EFCAB8: variants seen among roughly 807,000 people sequenced by gnomAD.
EFCAB8 encodes EF-hand calcium binding domain 8, also known as EF-hand calcium-binding domain-containing protein 8.
Under a neutral mutation model 116.3 loss-of-function variants are expected in EFCAB8, and 100 were observed. The ratio of observed to expected loss-of-function variants is 0.86; its 90% CI spans 0.73 to 1.02. EFCAB8 has a LOEUF of 1.02. Ranked by LOEUF, EFCAB8 falls within the 50% of genes least tolerant of loss-of-function variation. The pLI is 0.00. For synonymous variants in EFCAB8, 558 were observed against 567.9 expected, an observed-to-expected ratio of 0.98 and a Z score of 0.25; for missense variants, 1,320 against 1,416.9, an observed-to-expected ratio of 0.93 and a Z score of 1.10.
intron 22 of EFCAB8, among the ~76,000 whole-genome samples, chr20:32,936,603 C>G (rs1988128327): frequency 2.6e-5 from 4 of 152,110 alleles, no homozygotes; most frequent in Admixed American, 2.6e-4. Flanking sequence ...ACACCTTTGT[C>G]AAAAATCAAT....
At chr20:32,916,279 A>G (rs1987180909) in intron 17 of EFCAB8, among the ~76,000 whole-genome samples, 2 of 152,060 alleles carry the variant, frequency 1.3e-5, no homozygotes, top group African/African-American at 4.8e-5. Context: ...TTTTTAAGAG[A>G]CAGGATCTTG....
At position 32,961,151 on chromosome 20, in the gene EFCAB8, T is replaced by C. The variant is rs1313723763; in HGVS notation, c.3409T>C (p.Tyr1137His). The change falls in exon 27 of 27, where the codon TAC becomes CAC. Residue 1137 changes from tyrosine (Y) to histidine (H), a missense_variant. Physicochemically the swap from Tyr to His is moderately conservative, Grantham distance 83. Transcript: ENST00000400522. ...WMKHQISPQV[Y>H]QSLHFSDLMP... Reference sequence around the variant, plus strand: ...TTCCCTGCAGATCTCGCCTCAGGTCTACCAAAGCCTGCACTTCAGTGATCT... The same window carrying C: ...TTCCCTGCAGATCTCGCCTCAGGTCCACCAAAGCCTGCACTTCAGTGATCT... 4.5e-6 allele frequency: 7 copies of C among 1,552,134 alleles called. No homozygotes were observed. The highest frequency in any genetic ancestry group is 6.1e-6 in the Non-Finnish European group (7 of 1,147,100).
intron 11 of EFCAB8, among the ~76,000 whole-genome samples, chr20:32,900,844 A>G (rs1437019964): frequency 6.6e-6 from 1 of 152,172 alleles, no homozygotes; most frequent in East Asian, 1.9e-4. Flanking sequence ...CTGGGATTAC[A>G]GGCGTGAGCC....
intron 10 of EFCAB8, among the ~76,000 whole-genome samples, chr20:32,897,208 C>T (rs1020314644): frequency 1.2e-4 from 19 of 152,146 alleles, no homozygotes; most frequent in African/African-American, 4.3e-4. Flanking sequence ...CATCCCTTCA[C>T]CCGCAGTGTT....
intron 19 of EFCAB8, 38 bp downstream of exon 19, chr20:32,918,612 C>G (rs1987309987): frequency 6.5e-7 from 1 of 1,539,376 alleles, no homozygotes; most frequent in Non-Finnish European, 8.8e-7. Context: ...TACCCTCACT[C>G]TCTAGCCGCC....
At chr20:32,867,985 T>C (rs1425707609) in intron 3 of EFCAB8, among the ~76,000 whole-genome samples, 1 of 151,976 alleles carries the variant, frequency 6.6e-6, no homozygotes, top group Non-Finnish European at 1.5e-5. Context: ...TACATGCACA[T>C]ACCACCACTC....
At chr20:32,919,882 A>G (rs973215659) in intron 19 of EFCAB8, among the ~76,000 whole-genome samples, 196 bp from the exon 20 acceptor site, 1 of 152,048 alleles carries the variant, frequency 6.6e-6, no homozygotes, top group African/African-American at 2.4e-5. Flanking sequence ...CTCTGCCCCA[A>G]TTTTGCTCTA....
At chr20:32,902,928 C>T (rs890675987) in intron 11 of EFCAB8, among the ~76,000 whole-genome samples, 1 of 152,212 alleles carries the variant, frequency 6.6e-6, no homozygotes, top group Non-Finnish European at 1.5e-5. Context: ...CCCCCGGCGT[C>T]TCCCCGACTG....
intron 6 of EFCAB8, among the ~76,000 whole-genome samples, chr20:32,886,227 G>A (rs548343024): frequency 4.0e-4 from 61 of 152,294 alleles, no homozygotes; most frequent in African/African-American, 1.4e-3. Flanking sequence ...GTCCTTTTGG[G>A]AACACATGAT....
chr20:32,959,673 T>C (rs1989078553), intron 24 of EFCAB8, 105 bp from the exon 25 acceptor site: 5 of 813,480 alleles, frequency 6.1e-6, no homozygotes, highest in Non-Finnish European at 9.6e-6. Flanking sequence ...GGATGGAAGA[T>C]TGGAAAGGAT....
At chr20:32,937,569 A>G (rs904087523) in intron 22 of EFCAB8, among the ~76,000 whole-genome samples, 2 of 152,220 alleles carry the variant, frequency 1.3e-5, no homozygotes, top group African/African-American at 4.8e-5. Flanking sequence ...CACAAAGAGA[A>G]GTACACATTC....
intron 17 of EFCAB8, among the ~76,000 whole-genome samples, chr20:32,914,705 C>T (rs1047649240): frequency 1.3e-5 from 2 of 152,080 alleles, no homozygotes; most frequent in African/African-American, 2.4e-5. Flanking sequence ...CTCACTATCA[C>T]GAGAACAGCA....
Position 32,939,277 on chromosome 20 carries a change from C to CA in EFCAB8, c.2791-4359_2791-4358insA, listed in dbSNP as rs1555869306. On this transcript the variant is annotated intron_variant, in intron 22 of 26. Coordinates refer to ENST00000400522, the MANE Select transcript of EFCAB8 (RefSeq NM_001143967.2). ...CTTCCATATTCTCTCTCTCTCTCTC[C>CA]TTTTTTTTTTTGTTTTTTGTTTTTT... Among the ~76,000 whole-genome samples, 9 of 106,030 alleles carry CA rather than the reference C, an allele frequency of 8.5e-5. 1 individual carries two copies. Among genetic ancestry groups the CA allele is most frequent in the Non-Finnish European group, 1.8e-4 (9 of 50,930 alleles). 69.6% of individuals were successfully genotyped at this position (106,030 alleles called of 152,430 possible).
chr20:32,860,630 C>T (rs2146155670), intron 1 of EFCAB8, among the ~76,000 whole-genome samples: 1 of 151,320 alleles, frequency 6.6e-6, no homozygotes, highest in East Asian at 2.0e-4. Context: ...CCTCAGTCTC[C>T]CGAGTAGCTG....
chr20:32,877,557 T>C lies in EFCAB8; in HGVS notation c.328-1147T>C, dbSNP rs911988427. ...ATAATAAACATTTCCTTTAGAACAA[T>C]GAGGCCAACTGAAAGAAAAAGAATA... On this transcript the variant is annotated intron_variant, in intron 4 of 26. Coordinates refer to ENST00000400522, the MANE Select transcript of EFCAB8 (RefSeq NM_001143967.2). Among the ~76,000 whole-genome samples the C allele has an allele frequency of 2.6e-5, 4 of 152,338 alleles. No homozygotes were observed. The East Asian group carries it at 7.7e-4, about 29-fold the overall frequency.
At chr20:32,874,380 A>T (rs1984843508) in intron 3 of EFCAB8, among the ~76,000 whole-genome samples, 1 of 151,374 alleles carries the variant, frequency 6.6e-6, no homozygotes, top group African/African-American at 2.4e-5. Context: ...ACGCCACTAC[A>T]CCTGGCTAAT....
intron 26 of EFCAB8, among the ~76,000 whole-genome samples, 155 bp from the exon 27 acceptor site, chr20:32,960,981 C>T (rs773661256): frequency 2.0e-5 from 3 of 152,208 alleles, no homozygotes; most frequent in African/African-American, 4.8e-5. Context: ...GCCCGCAGGC[C>T]ACGGTGGTTA....
intron 24 of EFCAB8, among the ~76,000 whole-genome samples, chr20:32,959,527 G>C (rs1989074891): frequency 6.6e-6 from 1 of 152,230 alleles, no homozygotes; most frequent in Non-Finnish European, 1.5e-5. Context: ...GCCAGATCGG[G>C]TGTCAGGTCT....
intron 14 of EFCAB8, among the ~76,000 whole-genome samples, chr20:32,908,644 C>T (rs1019907193): frequency 2.6e-5 from 4 of 152,248 alleles, no homozygotes; most frequent in Non-Finnish European, 2.9e-5. Context: ...TCTGCACTGT[C>T]CCCACTCAGG....
Sources: gnomAD v4.1 joint callset for allele counts (sites outside exome capture counted in the v4.1 genomes callset) on GRCh38, gnomAD v4.1.1 for gene constraint, MANE v1.5 for transcripts, NCBI Gene and HGNC (gene_info 2026-07-23, HGNC 2026-07-21) for gene names.